Variants in CDC42BPA observed in about 807,000 individuals in gnomAD.
CDC42BPA encodes CDC42 binding protein kinase alpha, also known as serine/threonine-protein kinase MRCK alpha.
In CDC42BPA, 80 loss-of-function variants were observed where a neutral mutation model predicts 223.5. The ratio of observed to expected loss-of-function variants is 0.36; its 90% CI spans 0.30 to 0.43. The LOEUF is 0.43. CDC42BPA is among the 20% of genes least tolerant of loss of function. CDC42BPA has a pLI of 1.00. For synonymous variants in CDC42BPA, 694 were observed against 718.6 expected (o/e 0.97, Z 0.55); for missense variants, 1,743 against 2,099.9 (o/e 0.83, Z 3.32).
chr1:227,018,265 T>G (rs1283608333), intron 32 of CDC42BPA, among the ~76,000 whole-genome samples: 1 of 151,942 alleles, frequency 6.6e-6, no homozygotes, highest in Non-Finnish European at 1.5e-5. Flanking sequence ...AATTTGGAAT[T>G]TGAGAATTAT....
chr1:227,204,270 T>C (rs1353458671), intron 3 of CDC42BPA, among the ~76,000 whole-genome samples: 1 of 152,178 alleles, frequency 6.6e-6, no homozygotes, highest in African/African-American at 2.4e-5. Flanking sequence ...AAATCAAACA[T>C]GAGATGTATC....
chr1:227,237,836 T>TA (rs1446606169), intron 2 of CDC42BPA, among the ~76,000 whole-genome samples: 2 of 151,586 alleles, frequency 1.3e-5, no homozygotes, highest in Non-Finnish European at 2.9e-5. Flanking sequence ...AGGTCGGAGT[T>TA]AGAGACCAGC....
rs571846156 is a variant in CDC42BPA at position 227,283,734 on chromosome 1, G to A, written c.179-29579C>T. Among the ~76,000 whole-genome samples, 126 of 152,280 alleles carry A rather than the reference G, an allele frequency of 8.3e-4. 1 individual carries two copies. The South Asian group carries it at 8.7e-3, about 11-fold the overall frequency. On this transcript the variant is annotated intron_variant, in intron 1 of 36. Coordinates refer to ENST00000366766, the MANE Select transcript of CDC42BPA (RefSeq NM_001394014.1). Reference sequence around the variant, plus strand: ...CCACCATTATGCATGTAATATCCATGTAATAAATAAGCATATGTACCCTTG... The same window carrying A: ...CCACCATTATGCATGTAATATCCATATAATAAATAAGCATATGTACCCTTG...
chr1:227,075,997 C>T (rs559617112), intron 17 of CDC42BPA, among the ~76,000 whole-genome samples: 1 of 152,236 alleles, frequency 6.6e-6, no homozygotes, highest in Non-Finnish European at 1.5e-5. Context: ...ATGTTGAACA[C>T]ATTACATGTT....
chr1:227,008,430 G>A lies in CDC42BPA; in HGVS notation c.4858-3319C>T, dbSNP rs148223149. Among the ~76,000 whole-genome samples the A allele has an allele frequency of 1.7e-3, 263 of 152,272 alleles. 3 individuals carry two copies. Among genetic ancestry groups the A allele is most frequent in the African/African-American group, 5.9e-3 (245 of 41,544 alleles). On this transcript the variant is annotated intron_variant, in intron 34 of 36. Coordinates refer to ENST00000366766, the MANE Select transcript of CDC42BPA (RefSeq NM_001394014.1). ...AATGAAATCAGCACAAATACTTAAG[G>A]CTTTTGAGGTTAAAAGAAACAAGCA...
At chr1:227,004,503 G>T in intron 35 of CDC42BPA, 1 of 157,014 alleles carries the variant, frequency 6.4e-6, no homozygotes, top group Non-Finnish European at 1.4e-5. Flanking sequence ...TCTTACCTTG[G>T]TCTTCAAGTC....
At chr1:227,138,431 A>G (rs569814982) in intron 10 of CDC42BPA, among the ~76,000 whole-genome samples, 1 of 150,754 alleles carries the variant, frequency 6.6e-6, no homozygotes, top group African/African-American at 2.4e-5. Flanking sequence ...TAACATTCAA[A>G]GGTCGAAGAG....
At chr1:227,206,195 G>T (rs954850301) in intron 3 of CDC42BPA, among the ~76,000 whole-genome samples, 1 of 152,194 alleles carries the variant, frequency 6.6e-6, no homozygotes, top group Non-Finnish European at 1.5e-5. Context: ...CAAATGTGAA[G>T]ACAGAAGTAA....
intron 6 of CDC42BPA, among the ~76,000 whole-genome samples, chr1:227,153,490 A>G (rs1454736102): frequency 6.6e-6 from 1 of 151,962 alleles, no homozygotes; most frequent in East Asian, 1.9e-4. Context: ...GAACAGTAGA[A>G]TGCTCTGTAT....
chr1:227,038,636 C>A (rs1410861016), intron 24 of CDC42BPA, among the ~76,000 whole-genome samples: 2 of 152,182 alleles, frequency 1.3e-5, no homozygotes, highest in African/African-American at 4.8e-5. Context: ...AGCAAACTTC[C>A]TACTTGTTGG....
chr1:227,030,583 T>C (rs1669101564), intron 28 of CDC42BPA, 113 bp from the exon 29 acceptor site: 2 of 631,116 alleles, frequency 3.2e-6, no homozygotes, highest in Non-Finnish European at 5.6e-6. Flanking sequence ...TGAATTACAA[T>C]AACAGTTTAC....
chr1:227,245,284 C>CTTT (rs759666049), intron 2 of CDC42BPA, among the ~76,000 whole-genome samples: 4,468 of 81,486 alleles, frequency 0.055, 185 homozygotes, highest in Non-Finnish European at 0.078. Flanking sequence ...TGTCTTGCAT[C>CTTT]TTTTTTTTTT....
intron 2 of CDC42BPA, among the ~76,000 whole-genome samples, chr1:227,214,275 A>T (rs939074377): frequency 6.6e-6 from 1 of 152,194 alleles, no homozygotes; most frequent in Non-Finnish European, 1.5e-5. Context: ...TTATATTTGG[A>T]TCAGACTGCA....
At position 227,008,917 on chromosome 1, in the gene CDC42BPA, C is replaced by G. The variant is rs566534115; in HGVS notation, c.4858-3806G>C. ...AAAATTAAAATGGAAATAGTCAATG[C>G]TAGCAATTCAACAGACACATATACA... On this transcript the variant is annotated intron_variant, in intron 34 of 36. Transcript: ENST00000366766. Among the ~76,000 whole-genome samples the G allele has an allele frequency of 3.3e-5, 5 of 152,164 alleles. No homozygotes were observed. The South Asian group carries it at 1.0e-3, about 32-fold the overall frequency.
chr1:227,168,743 C>T (rs555027492), intron 5 of CDC42BPA, among the ~76,000 whole-genome samples: 9 of 151,986 alleles, frequency 5.9e-5, no homozygotes, highest in East Asian at 5.8e-4. Context: ...GTGATCCATC[C>T]GCCTCGGCCT....
chr1:227,147,244 C>T (rs189784667), intron 7 of CDC42BPA, 115 bp downstream of exon 7: 2 of 670,718 alleles, frequency 3.0e-6, no homozygotes, highest in East Asian at 5.6e-5. Flanking sequence ...CTGTCCCATA[C>T]TAGGATAGAA....
chr1:227,256,445 C>G (rs1195603165), intron 1 of CDC42BPA, among the ~76,000 whole-genome samples: 4 of 151,940 alleles, frequency 2.6e-5, no homozygotes. Flanking sequence ...TGTAACAAAC[C>G]TGCATGTTCT....
intron 18 of CDC42BPA, 27 bp downstream of exon 18, chr1:227,074,232 C>G (rs186241806): frequency 2.0e-6 from 3 of 1,508,018 alleles, no homozygotes; most frequent in Non-Finnish European, 2.8e-6. Context: ...ATATGATAAG[C>G]CTCCATGCAA....
chr1:227,073,756 C>A, intron 19 of CDC42BPA, 108 bp downstream of exon 19: 1 of 835,966 alleles, frequency 1.2e-6, no homozygotes, highest in Non-Finnish European at 1.8e-6. Flanking sequence ...CATATTTGGC[C>A]ATCATTTTTC....
Sources: gnomAD v4.1 joint callset for allele counts (sites outside exome capture counted in the v4.1 genomes callset) on GRCh38, gnomAD v4.1.1 for gene constraint, MANE v1.5 for transcripts, NCBI Gene and HGNC (gene_info 2026-07-23, HGNC 2026-07-21) for gene names.